The following MDGA2 variants were observed in gnomAD, a reference collection of about 807,000 sequenced individuals.
MDGA2 encodes the protein MAM domain-containing glycosylphosphatidylinositol anchor protein 2.
Under a neutral mutation model 117.8 loss-of-function variants are expected in MDGA2, and 40 were observed. The observed-to-expected ratio is 0.34, with a 90% CI of 0.26 to 0.44. The LOEUF (loss-of-function observed/expected upper bound fraction) is 0.44. MDGA2 is among the 20% of genes least tolerant of loss of function. MDGA2 has a pLI of 1.00. For synonymous variants in MDGA2, 452 were observed against 439.0 expected (o/e 1.03, Z -0.37); for missense variants, 1,123 against 1,250.6 (o/e 0.90, Z 1.54).
chr14:47,107,064 C>G (rs539162250), intron 5 of MDGA2, among the ~76,000 whole-genome samples: 6 of 130,908 alleles, frequency 4.6e-5, no homozygotes, highest in African/African-American at 1.8e-4. Flanking sequence ...TTCTATCCCC[C>G]CACCTTAACC....
At chr14:47,175,933 A>G (rs1021848452) in intron 3 of MDGA2, among the ~76,000 whole-genome samples, 1 of 152,184 alleles carries the variant, frequency 6.6e-6, no homozygotes, top group Non-Finnish European at 1.5e-5. Context: ...CCTTAAGCTG[A>G]TAAGCAACTT....
intron 3 of MDGA2, among the ~76,000 whole-genome samples, chr14:47,176,172 C>A (rs915637653): frequency 6.6e-6 from 1 of 152,114 alleles, no homozygotes; most frequent in Non-Finnish European, 1.5e-5. Flanking sequence ...AATGGAAGAA[C>A]ATTCCATGCT....
intron 8 of MDGA2, among the ~76,000 whole-genome samples, chr14:47,019,029 A>C (rs1363105167): frequency 6.6e-6 from 1 of 152,134 alleles, no homozygotes; most frequent in Admixed American, 6.6e-5. Context: ...TCTTACTTGA[A>C]TTTCCCTTCA....
intron 7 of MDGA2, among the ~76,000 whole-genome samples, chr14:47,045,630 G>A (rs1038610694): frequency 6.6e-6 from 1 of 152,042 alleles, no homozygotes; most frequent in Admixed American, 6.6e-5. Flanking sequence ...GAATGTTGGA[G>A]GGAATAGGGA....
intron 10 of MDGA2, among the ~76,000 whole-genome samples, chr14:46,915,921 T>C (rs1334072965): frequency 6.6e-6 from 1 of 152,200 alleles, no homozygotes; most frequent in African/African-American, 2.4e-5. Context: ...TGGTATCTGC[T>C]TCTCTGGGTA....
chr14:47,655,328 A>G (rs1002175435), intron 1 of MDGA2, among the ~76,000 whole-genome samples: 1 of 152,174 alleles, frequency 6.6e-6, no homozygotes, highest in African/African-American at 2.4e-5. Flanking sequence ...TCACATGGAC[A>G]TAACAGCAGT....
intron 5 of MDGA2, among the ~76,000 whole-genome samples, chr14:47,129,359 G>A (rs974546489): frequency 2.0e-5 from 3 of 150,926 alleles, no homozygotes; most frequent in African/African-American, 7.3e-5. Context: ...TTTTGTTCTT[G>A]CGATAGTTTA....
chr14:47,561,179 G>GTTTTTTTGTTTTT (rs1895807153), intron 1 of MDGA2, among the ~76,000 whole-genome samples: 2 of 71,624 alleles, frequency 2.8e-5, no homozygotes, highest in Admixed American at 3.3e-4. Flanking sequence ...TTGTTTGTTT[G>GTTTTTTTGTTTTT]TTTTTTTTTG....
intron 1 of MDGA2, among the ~76,000 whole-genome samples, chr14:47,393,700 A>C (rs1891946434): frequency 6.6e-6 from 1 of 152,136 alleles, no homozygotes; most frequent in Non-Finnish European, 1.5e-5. Context: ...AGGCCAATGA[A>C]ATCTGAATGT....
intron 3 of MDGA2, among the ~76,000 whole-genome samples, chr14:47,160,697 C>G (rs1047653403): frequency 3.9e-5 from 6 of 152,036 alleles, no homozygotes; most frequent in African/African-American, 1.4e-4. Flanking sequence ...AACACACACA[C>G]AGACAAACAT....
At chr14:47,393,884 G>T (rs1316802481) in intron 1 of MDGA2, among the ~76,000 whole-genome samples, 1 of 152,092 alleles carries the variant, frequency 6.6e-6, no homozygotes, top group Non-Finnish European at 1.5e-5. Context: ...GGAAAACCTT[G>T]TATTTTGACT....
At chr14:47,170,256 G>A (rs1018516435) in intron 3 of MDGA2, among the ~76,000 whole-genome samples, 1 of 152,082 alleles carries the variant, frequency 6.6e-6, no homozygotes, top group African/African-American at 2.4e-5. Flanking sequence ...AGGCAAATGA[G>A]AAGAAGGAAA....
intron 1 of MDGA2, among the ~76,000 whole-genome samples, chr14:47,491,016 G>C (rs534344178): frequency 1.1e-4 from 16 of 152,084 alleles, no homozygotes; most frequent in Non-Finnish European, 2.2e-4. Flanking sequence ...ATTGGCCTTT[G>C]ATACTCGGAC....
At chr14:47,384,580 C>T (rs1891715310) in intron 1 of MDGA2, among the ~76,000 whole-genome samples, 1 of 151,996 alleles carries the variant, frequency 6.6e-6, no homozygotes, top group African/African-American at 2.4e-5. Context: ...TCTTTTCCAA[C>T]CCAGTATATT....
At chr14:47,435,442 G>T (rs1892877956) in intron 1 of MDGA2, among the ~76,000 whole-genome samples, 1 of 152,052 alleles carries the variant, frequency 6.6e-6, no homozygotes, top group African/African-American at 2.4e-5. Context: ...ACATCAGTGA[G>T]TCTGAGGCAT....
At chr14:47,564,348 G>A (rs963240563) in intron 1 of MDGA2, among the ~76,000 whole-genome samples, 1 of 152,126 alleles carries the variant, frequency 6.6e-6, no homozygotes, top group Non-Finnish European at 1.5e-5. Flanking sequence ...TGGGCAATTT[G>A]CTAAAGAAAG....
intron 11 of MDGA2, 65 bp downstream of exon 11, chr14:46,881,979 A>C: frequency 8.4e-7 from 1 of 1,186,070 alleles, no homozygotes; most frequent in Non-Finnish European, 1.1e-6. Context: ...GGTAGATAGC[A>C]GCAACCAAAA....
At chr14:46,888,596 A>T (rs1882756488) in intron 10 of MDGA2, among the ~76,000 whole-genome samples, 1 of 151,936 alleles carries the variant, frequency 6.6e-6, no homozygotes, top group Non-Finnish European at 1.5e-5. Context: ...CTCAGGAGGA[A>T]AAAACATGTT....
intron 3 of MDGA2, among the ~76,000 whole-genome samples, chr14:47,180,148 C>T (rs564634210): frequency 2.6e-5 from 4 of 152,064 alleles, no homozygotes; most frequent in African/African-American, 9.6e-5. Flanking sequence ...GAGCCTAGTA[C>T]CCATTAGTTA....
Sources: allele counts gnomAD v4.1 joint callset (sites outside exome capture counted in the v4.1 genomes callset), GRCh38; gene constraint gnomAD v4.1.1; transcripts MANE v1.5; gene names NCBI Gene and HGNC (gene_info 2026-07-23, HGNC 2026-07-21).